Variants in KCNQ1 observed in about 807,000 individuals in gnomAD.
KCNQ1 encodes the protein potassium voltage-gated channel subfamily Q member 1, also known as potassium voltage-gated channel subfamily KQT member 1.
Under a neutral mutation model 72.4 loss-of-function variants are expected in KCNQ1, and 49 were observed. The ratio of observed to expected loss-of-function variants is 0.68; its 90% CI spans 0.54 to 0.86. The LOEUF (loss-of-function observed/expected upper bound fraction) is 0.86, where lower values mean the gene tolerates loss of function less well. Among genes scored for constraint, KCNQ1 ranks in the 40% least tolerant of loss-of-function variants. The pLI, the probability that KCNQ1 is intolerant of heterozygous loss-of-function variation, is 0.00. For synonymous variants in KCNQ1, 450 were observed against 412.6 expected (o/e 1.09, Z -1.10); for missense variants, 790 against 945.1 (o/e 0.84, Z 2.15).
intron 1 of KCNQ1, among the ~76,000 whole-genome samples, chr11:2,522,024 G>A (rs1376067002): frequency 6.6e-6 from 1 of 152,254 alleles, no homozygotes; most frequent in African/African-American, 2.4e-5. Context: ...CAGGGTTCCT[G>A]CATTCTCCTG....
intron 5 of KCNQ1, 101 bp from the exon 6 acceptor site, chr11:2,572,745 G>A: frequency 6.7e-7 from 1 of 1,495,738 alleles, no homozygotes; most frequent in Non-Finnish European, 9.2e-7. Flanking sequence ...GAGCGGCGTA[G>A]GACGCCCAGT....
rs939993806 is a variant in KCNQ1 at position 2,616,763 on chromosome 11, T to C, written c.1393+27909T>C. On this transcript the variant is annotated intron_variant, in intron 10 of 15. Coordinates refer to ENST00000155840, the MANE Select transcript of KCNQ1 (RefSeq NM_000218.3). ...AGTTAGAGAAGATATTTTGTATGATTTCTATATTTTAAAATTTATTGAGAC... is the reference window on the plus strand; with the variant it reads ...AGTTAGAGAAGATATTTTGTATGATCTCTATATTTTAAAATTTATTGAGAC... The C allele has an allele frequency of 5.5e-5, 22 of 397,994 alleles. No homozygotes were observed. The Middle Eastern group carries it at 2.5e-3, about 45-fold the overall frequency. 24.7% of individuals were successfully genotyped at this position (397,994 alleles called of 1,614,324 possible). A position where few individuals can be genotyped will look rare whatever the true frequency, so the allele number is the denominator to read the frequency against.
Position 2,787,987 on chromosome 11 carries a change from C to T in KCNQ1, c.1794+9950C>T, listed in dbSNP as rs933831346. On this transcript the variant is annotated intron_variant, in intron 15 of 15. Transcript: ENST00000155840. The surrounding 1 kb of genome is among the most constrained non-coding windows in gnomAD (Gnocchi z 6.3). ...CAGCGCTGCTTTGGACGGGCATGGC[C>T]GTGCGCGCGTGTGGGGAGGTGAGTG... Among the ~76,000 whole-genome samples, 2 of 152,172 alleles carry T rather than the reference C, an allele frequency of 1.3e-5. No individual in the cohort carries two copies. The highest frequency in any genetic ancestry group is 4.8e-5 in the African/African-American group (2 of 41,438).
rs1307913997 is a variant in KCNQ1, at chr11:2,697,865, G to A, written c.1514+35784G>A. On this transcript the variant is annotated intron_variant, in intron 11 of 15. Coordinates refer to ENST00000155840, the MANE Select transcript of KCNQ1 (RefSeq NM_000218.3). ...TCTGAATTTGGACATGCTCTGATTC[G>A]CAATTTTAAAAAATCCCTCTAGCTG... The A allele has an allele frequency of 4.5e-5, 18 of 398,354 alleles. 1 individual carries two copies. Among genetic ancestry groups the A allele is most frequent in the Middle Eastern group, 6.2e-4 (1 of 1,610 alleles). The allele number at this position is 398,354 out of a possible 1,614,324, so 24.7% of individuals were successfully genotyped here.
At chr11:2,551,594 T>C (rs1041705843) in intron 2 of KCNQ1, among the ~76,000 whole-genome samples, 1 of 152,268 alleles carries the variant, frequency 6.6e-6, no homozygotes, top group Non-Finnish European at 1.5e-5. Flanking sequence ...TCATATGTCT[T>C]CATTTCTCTG....
At chr11:2,646,942 A>G in intron 10 of KCNQ1, 1 of 398,668 alleles carries the variant, frequency 2.5e-6, no homozygotes, top group Non-Finnish European at 4.4e-6. Context: ...GCAAAGGACA[A>G]TATGACATTC....
At position 2,745,881 on chromosome 11, in the gene KCNQ1, T is replaced by TTTTTG. The variant is rs1328344152; in HGVS notation, c.1515-22943_1515-22939dup. Among the ~76,000 whole-genome samples, 22 of 152,080 alleles carry TTTTTG rather than the reference T, an allele frequency of 1.4e-4. No individual in the cohort carries two copies. The highest frequency in any genetic ancestry group is 3.1e-4 in the African/African-American group (13 of 41,426). On this transcript the variant is annotated intron_variant, in intron 11 of 15. Transcript: ENST00000155840. The surrounding 1 kb of genome is among the most constrained non-coding windows in gnomAD (Gnocchi z 6.2). The stretch of plus-strand genomic sequence containing the variant: ...CCTCTTCTCCCTCACTACTATTTGG[T>TTTTTG]TTTTGTTTTGTTTTGTTTTGTTTTT...
intron 11 of KCNQ1, among the ~76,000 whole-genome samples, chr11:2,714,798 A>G (rs777845224): frequency 6.6e-6 from 1 of 152,068 alleles, no homozygotes; most frequent in Non-Finnish European, 1.5e-5. Context: ...CATCTTTCCA[A>G]TGGTGGCATC....
chr11:2,741,816 G>GT (rs1391738894), intron 11 of KCNQ1, among the ~76,000 whole-genome samples: 1 of 152,218 alleles, frequency 6.6e-6, no homozygotes, highest in African/African-American at 2.4e-5. Flanking sequence ...TCCGCCTGTG[G>GT]TTTTCCTCCT....
intron 11 of KCNQ1, chr11:2,692,849 A>C: frequency 2.5e-6 from 1 of 398,610 alleles, no homozygotes; most frequent in Admixed American, 4.4e-5. Flanking sequence ...TGTTAGACAT[A>C]ATTCACTGCC....
rs943709720 is a variant in KCNQ1 at position 2,769,549 on chromosome 11, G to T, written c.1590+630G>T. ...TTAGAGCCCCCAGAGTCCATGCCCCGCAGAGAATGCCATTGATGGCAGGCA... is the reference window on the plus strand; with the variant it reads ...TTAGAGCCCCCAGAGTCCATGCCCCTCAGAGAATGCCATTGATGGCAGGCA... On this transcript the variant is annotated intron_variant, in intron 12 of 15. Transcript: ENST00000155840. This position sits in a 1 kb window ranked among gnomAD's most constrained non-coding sequence, Gnocchi z 4.6. Among the ~76,000 whole-genome samples the T allele has an allele frequency of 3.3e-4, 51 of 152,324 alleles. No homozygotes were observed. The highest frequency in any genetic ancestry group is 1.2e-3 in the African/African-American group (51 of 41,576).
chr11:2,751,013 C>T (rs1026063005), intron 11 of KCNQ1, among the ~76,000 whole-genome samples: 5 of 152,322 alleles, frequency 3.3e-5, no homozygotes, highest in Admixed American at 3.3e-4. Context: ...TGTATTTCTT[C>T]GCTAGCTCCT....
At chr11:2,837,567 G>C (rs891492782) in intron 15 of KCNQ1, among the ~76,000 whole-genome samples, 2 of 152,250 alleles carry the variant, frequency 1.3e-5, no homozygotes, top group Non-Finnish European at 2.9e-5. Context: ...CCCTCGGGGA[G>C]GCGGCCTCTA....
Position 2,579,107 on chromosome 11 carries a change from C to T in KCNQ1, c.922-4328C>T, listed in dbSNP as rs9666562. ...GGCAAATGACTACCACGTTTCCAGC[C>T]GGGGCCAGTGAGCTCTGGGAGCCAG... On this transcript the variant is annotated intron_variant, in intron 6 of 15. Transcript: ENST00000155840. This position sits in a 1 kb window ranked among gnomAD's most constrained non-coding sequence, Gnocchi z 6.0. Among the ~76,000 whole-genome samples the T allele has an allele frequency of 3.5e-3, 535 of 152,282 alleles. 2 individuals are homozygous for T. Among genetic ancestry groups the T allele is most frequent in the African/African-American group, 0.012 (490 of 41,548 alleles).
Position 2,651,837 on chromosome 11 carries a change from G to A in KCNQ1, c.1394-10124G>A, listed in dbSNP as rs1849760853. 2.5e-6 allele frequency: 1 copy of A among 398,658 alleles called. No individual in the cohort carries two copies. Among genetic ancestry groups the A allele is most frequent in the Middle Eastern group, 6.3e-4 (1 of 1,588 alleles). The allele number at this position is 398,658 out of a possible 1,614,324, so 24.7% of individuals were successfully genotyped here. On this transcript the variant is annotated intron_variant, in intron 10 of 15. Coordinates refer to ENST00000155840, the MANE Select transcript of KCNQ1 (RefSeq NM_000218.3). The surrounding 1 kb of genome is among the most constrained non-coding windows in gnomAD (Gnocchi z 6.1). ...GAATGGAGCCCACAGGACCATACCAGACAGATGCCACCACATCTTTTCTTG... is the reference window on the plus strand; with the variant it reads ...GAATGGAGCCCACAGGACCATACCAAACAGATGCCACCACATCTTTTCTTG...
At chr11:2,641,948 A>G (rs1849586194) in intron 10 of KCNQ1, 2 of 398,436 alleles carry the variant, frequency 5.0e-6, no homozygotes, top group Non-Finnish European at 8.9e-6. Context: ...CTGTAAATAC[A>G]TGGATTTACT....
rs1849914417 is a variant in KCNQ1 at position 2,659,601 on chromosome 11, A to C, written c.1394-2360A>C. On this transcript the variant is annotated intron_variant, in intron 10 of 15. Coordinates refer to ENST00000155840, the MANE Select transcript of KCNQ1 (RefSeq NM_000218.3). The surrounding 1 kb of genome is among the most constrained non-coding windows in gnomAD (Gnocchi z 4.3). ...AGGTTTTTGCGAACATAAAAATTCA[A>C]TTCACTTGGGTGGGAAAGGAACCGA... is the stretch of plus-strand genomic sequence containing the variant. 2.5e-6 allele frequency: 1 copy of C among 398,448 alleles called. No homozygotes were observed. Among genetic ancestry groups the C allele is most frequent in the African/African-American group, 2.1e-5 (1 of 48,642 alleles). 24.7% of individuals were successfully genotyped at this position (398,448 alleles called of 1,614,324 possible). A position where few individuals can be genotyped will look rare whatever the true frequency, so the allele number is the denominator to read the frequency against.
chr11:2,607,904 C>T (rs139560294), intron 10 of KCNQ1, among the ~76,000 whole-genome samples: 1,720 of 152,204 alleles, frequency 0.011, 33 homozygotes, highest in African/African-American at 0.039. Context: ...ATTTTCATCA[C>T]AGTTATTGTA....
rs540448088 is a variant in KCNQ1, at chr11:2,652,149, G to A, written c.1394-9812G>A. On this transcript the variant is annotated intron_variant, in intron 10 of 15. Transcript: ENST00000155840. The surrounding 1 kb of genome is among the most constrained non-coding windows in gnomAD (Gnocchi z 5.9). ...GAAGGGACCTGTGTTTCTCAAGCCC[G>A]CGCCCTCGGGGCCTGGGGGTGGGGC... 1.4e-4 allele frequency: 56 copies of A among 398,634 alleles called. No individual in the cohort carries two copies. Among genetic ancestry groups the A allele is most frequent in the African/African-American group, 9.0e-4 (44 of 48,738 alleles). The allele number at this position is 398,634 out of a possible 1,614,324, so 24.7% of individuals were successfully genotyped here. A position where few individuals can be genotyped will look rare whatever the true frequency, so the allele number is the denominator to read the frequency against.
Sources: gnomAD v4.1 joint callset for allele counts (sites outside exome capture counted in the v4.1 genomes callset) on GRCh38, gnomAD v4.1.1 for gene constraint, Gnocchi (gnomAD v3.1) non-coding constraint, MANE v1.5 for transcripts, NCBI Gene and HGNC (gene_info 2026-07-23, HGNC 2026-07-21) for gene names.